Variants in NUP205 observed in about 807,000 individuals in gnomAD.
NUP205 encodes the protein nucleoporin 205.
In NUP205, 76 loss-of-function variants were observed where a neutral mutation model predicts 253.8. That is an observed-to-expected ratio of 0.30 (90% CI 0.25 to 0.36). The LOEUF (loss-of-function observed/expected upper bound fraction) is 0.36, where lower values mean the gene tolerates loss of function less well. NUP205 is among the 10% of genes least tolerant of loss of function. NUP205 has a pLI of 1.00. For missense variants in NUP205, 2,162 were observed against 2,425.5 expected, an observed-to-expected ratio of 0.89 and a Z score of 2.28; for synonymous variants, 832 against 850.1, an observed-to-expected ratio of 0.98 and a Z score of 0.37.
At chr7:135,570,213 A>G (rs1020149908) in intron 1 of NUP205, among the ~76,000 whole-genome samples, 1 of 151,710 alleles carries the variant, frequency 6.6e-6, no homozygotes, top group Non-Finnish European at 1.5e-5. Context: ...TTATTTATTT[A>G]ATTTTTAAAT....
chr7:135,633,580 T>G (rs1794755531), intron 35 of NUP205, among the ~76,000 whole-genome samples: 1 of 152,184 alleles, frequency 6.6e-6, no homozygotes. Flanking sequence ...ATTTTTTACA[T>G]TTGTTTTTAT....
chr7:135,648,736 C>CT lies in NUP205; in HGVS notation c.*185dup, dbSNP rs1234514619. 7.6e-6 allele frequency: 3 copies of CT among 396,954 alleles called. No individual in the cohort carries two copies. Among genetic ancestry groups the CT allele is most frequent in the East Asian group, 3.7e-5 (1 of 26,684 alleles). The allele number at this position is 396,954 out of a possible 1,614,324, so 24.6% of individuals were successfully genotyped here. ...CATCCTCACTAGTAAAAAATAAATA[C>CT]TTTTTAAAAAAACAAAACAAATGTA... is the stretch of plus-strand genomic sequence containing the variant. On this transcript the variant is annotated 3_prime_UTR_variant, in exon 43 of 43. Transcript: ENST00000285968.
chr7:135,590,463 A>G (rs1054718704), intron 10 of NUP205, among the ~76,000 whole-genome samples: 21 of 152,088 alleles, frequency 1.4e-4, no homozygotes, highest in Admixed American at 2.0e-4. Flanking sequence ...TTATAGGCAA[A>G]TACATGAATT....
intron 36 of NUP205, among the ~76,000 whole-genome samples, chr7:135,637,339 A>G (rs1331705882): frequency 6.6e-6 from 1 of 152,240 alleles, no homozygotes; most frequent in Non-Finnish European, 1.5e-5. Context: ...CTCTGGATAT[A>G]CTGCCAATAT....
At chr7:135,580,123 C>G (rs1229326186) in intron 7 of NUP205, among the ~76,000 whole-genome samples, 2 of 152,194 alleles carry the variant, frequency 1.3e-5, no homozygotes, top group Admixed American at 6.5e-5. Context: ...AGGCTTTATT[C>G]AAGTTTACAA....
At chr7:135,628,546 G>C (rs1336966897) in intron 34 of NUP205, among the ~76,000 whole-genome samples, 1 of 152,150 alleles carries the variant, frequency 6.6e-6, no homozygotes, top group African/African-American at 2.4e-5. Context: ...ATATGATAGA[G>C]AATGAAATAA....
At chr7:135,612,016 A>G (rs1794251130) in intron 22 of NUP205, among the ~76,000 whole-genome samples, 1 of 152,154 alleles carries the variant, frequency 6.6e-6, no homozygotes, top group South Asian at 2.1e-4. Flanking sequence ...GCTACTCAGG[A>G]GGCTGAGGCG....
chr7:135,612,074 C>T (rs1389575683), intron 22 of NUP205, among the ~76,000 whole-genome samples: 2 of 152,002 alleles, frequency 1.3e-5, no homozygotes, highest in African/African-American at 2.4e-5. Flanking sequence ...GAGCCGAGAT[C>T]GCGCCACTGC....
chr7:135,610,945 A>C (rs547464316), intron 22 of NUP205, among the ~76,000 whole-genome samples: 1 of 150,912 alleles, frequency 6.6e-6, no homozygotes, highest in South Asian at 2.1e-4. Flanking sequence ...TATAGCCCAC[A>C]TCTTAATAAA....
chr7:135,577,584 A>AC (rs1806185091), intron 5 of NUP205, among the ~76,000 whole-genome samples: 1 of 152,226 alleles, frequency 6.6e-6, no homozygotes, highest in Non-Finnish European at 1.5e-5. Context: ...TATGAAATGA[A>AC]CAAGAAATTG....
At position 135,617,089 on chromosome 7, in the gene NUP205, G is replaced by C; in HGVS notation, c.3533-1G>C. Reference sequence around the variant, plus strand: ...ATCAAATTACTTTTTATTATTTCTAGTACGTCGAAAAATTCTAAATATTCT... The same window carrying C: ...ATCAAATTACTTTTTATTATTTCTACTACGTCGAAAAATTCTAAATATTCT... On this transcript the variant is annotated splice_acceptor_variant, in intron 25 of 42. Transcript: ENST00000285968. LOFTEE classifies it high-confidence loss of function. 6.2e-7 allele frequency: 1 copy of C among 1,603,228 alleles called. No homozygotes were observed. Among genetic ancestry groups the C allele is most frequent in the Non-Finnish European group, 8.5e-7 (1 of 1,174,976 alleles).
intron 34 of NUP205, among the ~76,000 whole-genome samples, chr7:135,629,089 C>T (rs10224307): frequency 0.4 from 61,486 of 152,028 alleles, 13,340 homozygotes; most frequent in Middle Eastern, 0.58. Flanking sequence ...GCACAGATGA[C>T]TGAGTTCTGT....
Position 135,630,445 on chromosome 7 carries a change from A to G in NUP205, c.5034A>G (p.Gly1678=). Residue 1678 remains glycine, a synonymous_variant, in exon 35 of 43, where the codon GGA becomes GGG. Coordinates refer to ENST00000285968, the MANE Select transcript of NUP205 (RefSeq NM_015135.3). The part of the protein sequence containing the change: ...GSLQELALLT[G]IISKAALPGI... ...TGCAGGAATTGGCTCTGCTGACAGG[A>G]ATTATAAGTAAAGCAGCACTTCCTG... is the stretch of plus-strand genomic sequence containing the variant. 3 of 1,608,724 alleles carry G rather than the reference A, an allele frequency of 1.9e-6. No individual in the cohort carries two copies. The highest frequency in any genetic ancestry group is 2.5e-6 in the Non-Finnish European group (3 of 1,176,900).
At chr7:135,574,806 A>G (rs1016334740) in intron 3 of NUP205, among the ~76,000 whole-genome samples, 2 of 152,228 alleles carry the variant, frequency 1.3e-5, no homozygotes, top group African/African-American at 4.8e-5. Flanking sequence ...TTTCTATACT[A>G]TAAGCAGTTT....
intron 1 of NUP205, among the ~76,000 whole-genome samples, chr7:135,569,855 A>C (rs1421297876): frequency 1.3e-5 from 2 of 151,982 alleles, no homozygotes; most frequent in Non-Finnish European, 2.9e-5. Context: ...AGTTTTATAA[A>C]TTCTGAGTTA....
intron 10 of NUP205, 28 bp downstream of exon 10, chr7:135,588,020 A>G (rs1021006586): frequency 2.5e-6 from 4 of 1,582,730 alleles, no homozygotes; most frequent in East Asian, 2.2e-5. Context: ...CCTCTTTTAT[A>G]CTCTGGTACT....
In NUP205 at chr7:135,648,480, A is replaced by T. The variant is rs1010490898; in HGVS notation, c.5963A>T (p.Lys1988Ile). The T allele has an allele frequency of 1.2e-6, 2 of 1,608,364 alleles. No homozygotes were observed. The highest frequency in any genetic ancestry group is 1.7e-6 in the Non-Finnish European group (2 of 1,178,240). The part of the protein sequence containing the change: ...KLLDIEGLYS[K>I]VRSRYSFIQA... ...CTGGACATTGAAGGATTATATTCAA[A>T]AGTTCGATCTCGATATAGTTTCATA... The change falls in exon 43 of 43, where the codon AAA (lysine) becomes ATA (isoleucine). Residue 1988 changes from lysine to isoleucine, a missense_variant. Physicochemically the swap from Lys to Ile is moderately radical, Grantham distance 102. Coordinates refer to ENST00000285968, the MANE Select transcript of NUP205 (RefSeq NM_015135.3).
intron 37 of NUP205, among the ~76,000 whole-genome samples, chr7:135,638,331 C>T (rs1358931565): frequency 6.7e-6 from 1 of 149,100 alleles, no homozygotes; most frequent in Non-Finnish European, 1.5e-5. Context: ...AGGAGAATTG[C>T]TTGAACCCAA....
intron 13 of NUP205, among the ~76,000 whole-genome samples, chr7:135,596,225 C>T (rs958013672): frequency 6.6e-6 from 1 of 152,206 alleles, no homozygotes; most frequent in Admixed American, 6.5e-5. Context: ...TGAGCCACCA[C>T]GCCCAGCCAG....
Sources: allele counts gnomAD v4.1 joint callset (sites outside exome capture counted in the v4.1 genomes callset), GRCh38; gene constraint gnomAD v4.1.1; transcripts MANE v1.5; gene names NCBI Gene and HGNC (gene_info 2026-07-23, HGNC 2026-07-21).